NEGR1: variants seen among roughly 807,000 people sequenced by gnomAD.
The protein encoded by NEGR1 is IgLON family member 4.
Under a neutral mutation model 40.9 loss-of-function variants are expected in NEGR1, and 10 were observed. The observed-to-expected ratio is 0.24, with a 90% CI of 0.15 to 0.42. NEGR1 has a LOEUF of 0.42. Among genes scored for constraint, NEGR1 ranks in the 10% least tolerant of loss-of-function variants. The pLI, the probability that NEGR1 is intolerant of heterozygous loss-of-function variation, is 1.00. For missense variants in NEGR1, 352 were observed against 438.9 expected, an observed-to-expected ratio of 0.80 and a Z score of 1.77; for synonymous variants, 185 against 166.8, an observed-to-expected ratio of 1.11 and a Z score of -0.84.
At chr1:72,069,076 A>G (rs536577968) in intron 1 of NEGR1, among the ~76,000 whole-genome samples, 1 of 152,230 alleles carries the variant, frequency 6.6e-6, no homozygotes, top group Non-Finnish European at 1.5e-5. Context: ...TCAACCTAAA[A>G]GGATTTCTTT....
intron 1 of NEGR1, among the ~76,000 whole-genome samples, chr1:71,996,142 A>G (rs1365211347): frequency 6.6e-6 from 1 of 152,160 alleles, no homozygotes; most frequent in Non-Finnish European, 1.5e-5. Context: ...CACTGGATGT[A>G]TAATAAATAT....
At chr1:71,427,234 A>G (rs1646434598) in intron 6 of NEGR1, among the ~76,000 whole-genome samples, 1 of 152,220 alleles carries the variant, frequency 6.6e-6, no homozygotes, top group African/African-American at 2.4e-5. Context: ...CCCAGACTGT[A>G]ATGTGCTCTG....
At chr1:71,732,974 C>T (rs1180010348) in intron 3 of NEGR1, among the ~76,000 whole-genome samples, 1 of 152,034 alleles carries the variant, frequency 6.6e-6, no homozygotes, top group African/African-American at 2.4e-5. Flanking sequence ...TTCCTTATTA[C>T]TGGACTTCCA....
At chr1:71,486,143 A>T (rs1646886144) in intron 6 of NEGR1, among the ~76,000 whole-genome samples, 1 of 151,642 alleles carries the variant, frequency 6.6e-6, no homozygotes, top group Non-Finnish European at 1.5e-5. Context: ...CGGCCATTCT[A>T]GTAAGTGTGT....
chr1:71,666,828 T>G (rs1377365715), intron 4 of NEGR1, among the ~76,000 whole-genome samples: 3 of 152,220 alleles, frequency 2.0e-5, no homozygotes, highest in Non-Finnish European at 1.5e-5. Flanking sequence ...TAAGTTTCAT[T>G]GCAAACCACA....
intron 1 of NEGR1, among the ~76,000 whole-genome samples, chr1:72,099,280 T>C (rs1299315408): frequency 6.6e-6 from 1 of 152,010 alleles, no homozygotes; most frequent in African/African-American, 2.4e-5. Flanking sequence ...GATGATTTTA[T>C]TTCAAAGAAT....
chr1:71,574,079 A>T (rs1257647773), intron 6 of NEGR1, among the ~76,000 whole-genome samples: 3 of 152,188 alleles, frequency 2.0e-5, no homozygotes, highest in Non-Finnish European at 4.4e-5. Context: ...TTCTTACAGG[A>T]TGAAGTAATG....
intron 4 of NEGR1, among the ~76,000 whole-genome samples, chr1:71,646,642 T>A (rs1651540625): frequency 6.6e-6 from 1 of 151,836 alleles, no homozygotes; most frequent in Admixed American, 6.6e-5. Context: ...AAAAATGGCT[T>A]CTCTCTTTAT....
At chr1:71,976,506 A>C (rs1175153755) in intron 1 of NEGR1, among the ~76,000 whole-genome samples, 1 of 152,216 alleles carries the variant, frequency 6.6e-6, no homozygotes, top group Non-Finnish European at 1.5e-5. Flanking sequence ...TTAACACCTG[A>C]TAAGTGAATC....
At chr1:71,434,267 T>G (rs1359274081) in intron 6 of NEGR1, among the ~76,000 whole-genome samples, 1 of 152,214 alleles carries the variant, frequency 6.6e-6, no homozygotes, top group Non-Finnish European at 1.5e-5. Context: ...CTATAAAATA[T>G]AGACAAATCT....
chr1:72,051,194 C>T (rs779396882), intron 1 of NEGR1, among the ~76,000 whole-genome samples: 88 of 151,454 alleles, frequency 5.8e-4, no homozygotes, highest in Non-Finnish European at 1.1e-3. Flanking sequence ...GTAATGCACA[C>T]CAAGATTATG....
At chr1:72,259,695 T>G (rs555140836) in intron 1 of NEGR1, among the ~76,000 whole-genome samples, 90 of 152,200 alleles carry the variant, frequency 5.9e-4, no homozygotes, top group Admixed American at 9.8e-4. Context: ...AAAATACATC[T>G]CATTATATCC....
intron 2 of NEGR1, among the ~76,000 whole-genome samples, chr1:71,845,918 C>T (rs1263836169): frequency 7.4e-6 from 1 of 134,452 alleles, no homozygotes; most frequent in Admixed American, 8.7e-5. Context: ...TGCCACGGCA[C>T]CTGGCTTTTT....
chr1:72,262,575 T>C (rs1655495437), intron 1 of NEGR1, among the ~76,000 whole-genome samples: 1 of 152,020 alleles, frequency 6.6e-6, no homozygotes. Flanking sequence ...ACTACTCTCA[T>C]ATACTAAATG....
chr1:71,490,834 A>G (rs1404309015), intron 6 of NEGR1, among the ~76,000 whole-genome samples: 1 of 152,088 alleles, frequency 6.6e-6, no homozygotes, highest in African/African-American at 2.4e-5. Flanking sequence ...AACACTGGAC[A>G]GAACTGGCTC....
At chr1:71,473,085 AAGAAATTTCACC>A (rs1646792964) in intron 6 of NEGR1, among the ~76,000 whole-genome samples, 1 of 152,070 alleles carries the variant, frequency 6.6e-6, no homozygotes, top group Non-Finnish European at 1.5e-5. Flanking sequence ...ACTTGTCTAA[AAGAAATTTCACC>A]AGAAGAAAAT....
intron 3 of NEGR1, among the ~76,000 whole-genome samples, chr1:71,740,249 C>T (rs185130052): frequency 6.6e-6 from 1 of 152,226 alleles, no homozygotes; most frequent in East Asian, 1.9e-4. Flanking sequence ...CCATTTCGGC[C>T]TCTAATGGAG....
At chr1:72,008,998 CA>C (rs75786445) in intron 1 of NEGR1, among the ~76,000 whole-genome samples, 273 of 125,734 alleles carry the variant, frequency 2.2e-3, no homozygotes, top group Admixed American at 2.2e-3. Context: ...TCTCATCAGT[CA>C]AAAAAAAAAA....
intron 5 of NEGR1, among the ~76,000 whole-genome samples, chr1:71,607,292 GTGTT>G (rs2101538173): frequency 6.6e-6 from 1 of 152,334 alleles, no homozygotes; most frequent in South Asian, 2.1e-4. Flanking sequence ...TTATAAGTGA[GTGTT>G]TGTACATGCA....
Sources: gnomAD v4.1 joint callset for allele counts (sites outside exome capture counted in the v4.1 genomes callset) on GRCh38, gnomAD v4.1.1 for gene constraint, MANE v1.5 for transcripts, NCBI Gene and HGNC (gene_info 2026-07-23, HGNC 2026-07-21) for gene names.